Variants in ANK3 observed in about 807,000 individuals in gnomAD.
The protein encoded by ANK3 is ankyrin-3.
ANK3 carries 57 observed loss-of-function variants against 370.9 expected under a neutral mutation model. The ratio of observed to expected loss-of-function variants is 0.15; its 90% CI spans 0.12 to 0.19. The LOEUF (loss-of-function observed/expected upper bound fraction) is 0.19, where lower values mean the gene tolerates loss of function less well. Among genes scored for constraint, ANK3 ranks in the 10% least tolerant of loss-of-function variants. The pLI, the probability that ANK3 is intolerant of heterozygous loss-of-function variation, is 1.00. For missense variants in ANK3, 4,439 were observed against 5,302.1 expected (o/e 0.84, Z 5.06); for synonymous variants, 1,929 against 1,946.3 (o/e 0.99, Z 0.23).
intron 2 of ANK3, among the ~76,000 whole-genome samples, chr10:60,400,116 G>T (rs2063325827): frequency 6.6e-6 from 1 of 151,890 alleles, no homozygotes; most frequent in South Asian, 2.1e-4. Flanking sequence ...AGTGATAACA[G>T]TGGGATTTGC....
chr10:60,291,972 C>T (rs1330764497), intron 1 of ANK3, among the ~76,000 whole-genome samples: 1 of 152,076 alleles, frequency 6.6e-6, no homozygotes, highest in East Asian at 1.9e-4. Context: ...TCTTGGCCTC[C>T]CAAGTGTTGG....
chr10:60,657,263 C>T (rs1405486224), intron 1 of ANK3, among the ~76,000 whole-genome samples: 4 of 152,184 alleles, frequency 2.6e-5, no homozygotes, highest in Admixed American at 1.3e-4. Flanking sequence ...GTCCCTCCCA[C>T]AACACATGGG....
chr10:60,437,797 T>C (rs572985250), intron 2 of ANK3, among the ~76,000 whole-genome samples: 2 of 152,220 alleles, frequency 1.3e-5, no homozygotes, highest in South Asian at 4.2e-4. Context: ...AATTGTCCTG[T>C]CAGATGAAGA....
At position 60,375,578 on chromosome 10, in the gene ANK3, G is replaced by A. The variant is rs142045196; in HGVS notation, c.114+13847C>T. On this transcript the variant is annotated intron_variant, in intron 1 of 43. Coordinates refer to ENST00000280772, the MANE Select transcript of ANK3 (RefSeq NM_020987.5). ...CCGAGGCACCTTCACTGACTGTCGGGGTGCTGGTGCAGAAGCAGCTGGAGC... is the reference window on the plus strand; with the variant it reads ...CCGAGGCACCTTCACTGACTGTCGGAGTGCTGGTGCAGAAGCAGCTGGAGC... Among the ~76,000 whole-genome samples the A allele has an allele frequency of 7.7e-3, 1,173 of 152,204 alleles. 12 individuals carry two copies. Among genetic ancestry groups the A allele is most frequent in the African/African-American group, 0.023 (965 of 41,526 alleles).
rs1036033822 is a variant in ANK3, at chr10:60,027,262, T to G, written c.*2584A>C. On this transcript the variant is annotated 3_prime_UTR_variant, in exon 44 of 44. Coordinates refer to ENST00000280772, the MANE Select transcript of ANK3 (RefSeq NM_020987.5). ...AGGACACCTATATTCTGATCCTGGC[T>G]TTACAGAGAGGCATTTTGGGAAAGT... The G allele has an allele frequency of 3.3e-5, 5 of 150,648 alleles. No individual in the cohort carries two copies. The highest frequency in any genetic ancestry group is 1.2e-4 in the African/African-American group (5 of 40,984). The allele number at this position is 150,648 out of a possible 1,614,324, so 9.3% of individuals were successfully genotyped here.
chr10:60,285,721 C>T (rs946305808), intron 1 of ANK3, among the ~76,000 whole-genome samples: 2 of 152,112 alleles, frequency 1.3e-5, no homozygotes, highest in African/African-American at 4.8e-5. Context: ...CATCCTCACC[C>T]CAAGACATTT....
At chr10:60,621,285 C>T (rs1373313629) in intron 1 of ANK3, among the ~76,000 whole-genome samples, 1 of 152,188 alleles carries the variant, frequency 6.6e-6, no homozygotes, top group East Asian at 1.9e-4. Flanking sequence ...GAGAGAGGTG[C>T]TAGAACAGTA....
Position 60,348,369 on chromosome 10 carries a change from A to ACAC in ANK3, c.114+41055_114+41056insGTG, listed in dbSNP as rs556542618. 1.3e-4 allele frequency among the ~76,000 whole-genome samples: 17 copies of ACAC among 128,044 alleles called. 1 individual carries two copies. The highest frequency in any genetic ancestry group is 3.2e-4 in the Admixed American group (4 of 12,532). 84.0% of individuals were successfully genotyped at this position (128,044 alleles called of 152,430 possible). ...AGCCAAAAAAAAAAAAAAAAAAAAA[A>ACAC]ACACAAAAAACAAAAAAAACGAACT... On this transcript the variant is annotated intron_variant, in intron 1 of 43. Transcript: ENST00000280772.
chr10:60,079,226 C>CACACACACACACACACACA (rs1564852646), intron 36 of ANK3, among the ~76,000 whole-genome samples: 22 of 143,760 alleles, frequency 1.5e-4, no homozygotes, highest in East Asian at 4.0e-4. Flanking sequence ...CACACACACA[C>CACACACACACACACACACA]CCCTCTTCTG....
chr10:60,611,711 G>A (rs1294165642), intron 2 of ANK3, among the ~76,000 whole-genome samples: 1 of 151,408 alleles, frequency 6.6e-6, no homozygotes, highest in Non-Finnish European at 1.5e-5. Flanking sequence ...TTTCTATTAA[G>A]TAAATCGAAT....
At chr10:60,563,351 C>T (rs1373292167) in intron 2 of ANK3, among the ~76,000 whole-genome samples, 1 of 152,174 alleles carries the variant, frequency 6.6e-6, no homozygotes, top group Non-Finnish European at 1.5e-5. Context: ...CCTCTCACCC[C>T]AAGCTAACCT....
At chr10:60,273,691 C>T (rs2098037732) in intron 4 of ANK3, among the ~76,000 whole-genome samples, 1 of 152,158 alleles carries the variant, frequency 6.6e-6, no homozygotes, top group South Asian at 2.1e-4. Flanking sequence ...TTGTAATAAT[C>T]CCCAGGTATC....
rs540147402 is a variant in ANK3, at chr10:60,055,480, T to TA, written c.13065+177dup. 2.4e-4 allele frequency among the ~76,000 whole-genome samples: 36 copies of TA among 152,290 alleles called. No homozygotes were observed. In the South Asian group the frequency reaches 5.2e-3, roughly 22 times the overall value. ...ACATTTTACTTGGAACTTTTTTTTT[T>TA]ACCTATGTGTTTAACTCAGTACTTT... On this transcript the variant is annotated intron_variant, in intron 42 of 43. Coordinates refer to ENST00000280772, the MANE Select transcript of ANK3 (RefSeq NM_020987.5).
intron 2 of ANK3, among the ~76,000 whole-genome samples, chr10:60,535,517 A>G (rs1016678059): frequency 6.6e-6 from 1 of 152,108 alleles, no homozygotes; most frequent in Non-Finnish European, 1.5e-5. Context: ...ATATTCAGGC[A>G]GCCTAATGTT....
At chr10:60,730,476 A>G (rs2080006523) in intron 1 of ANK3, among the ~76,000 whole-genome samples, 1 of 152,224 alleles carries the variant, frequency 6.6e-6, no homozygotes, top group African/African-American at 2.4e-5. Context: ...CTTTCAAATT[A>G]TAACTAATAA....
At chr10:60,543,517 G>A (rs1336439618) in intron 2 of ANK3, among the ~76,000 whole-genome samples, 1 of 151,718 alleles carries the variant, frequency 6.6e-6, no homozygotes, top group Non-Finnish European at 1.5e-5. Context: ...TCAGTTCCAG[G>A]GAAAAAAAAT....
chr10:60,191,349 T>A (rs556720924), intron 16 of ANK3, among the ~76,000 whole-genome samples: 1 of 151,118 alleles, frequency 6.6e-6, no homozygotes, highest in East Asian at 2.0e-4. Flanking sequence ...GACAAAGAAC[T>A]AATATCCAGG....
At chr10:60,621,412 C>A (rs1325879637) in intron 1 of ANK3, among the ~76,000 whole-genome samples, 1 of 152,146 alleles carries the variant, frequency 6.6e-6, no homozygotes, top group Non-Finnish European at 1.5e-5. Flanking sequence ...AAGTACAGAT[C>A]TCCAAATATA....
chr10:60,102,680 T>C (rs1484649621), intron 28 of ANK3, among the ~76,000 whole-genome samples: 1 of 152,192 alleles, frequency 6.6e-6, no homozygotes, highest in Non-Finnish European at 1.5e-5. Flanking sequence ...AAACTGATAT[T>C]TACAATTGTG....
Sources: allele counts gnomAD v4.1 joint callset (sites outside exome capture counted in the v4.1 genomes callset), GRCh38; gene constraint gnomAD v4.1.1; transcripts MANE v1.5; gene names NCBI Gene and HGNC (gene_info 2026-07-23, HGNC 2026-07-21).